PLEKHG7: variants seen among roughly 807,000 people sequenced by gnomAD.
The protein encoded by PLEKHG7 is pleckstrin homology domain-containing family G member 7.
A neutral mutation model predicts 85.2 loss-of-function variants in PLEKHG7; 77 were observed. The observed-to-expected ratio is 0.90, with a 90% CI of 0.75 to 1.09. The LOEUF (loss-of-function observed/expected upper bound fraction) is 1.09, where lower values mean the gene tolerates loss of function less well. Among genes scored for constraint, PLEKHG7 ranks in the 50% least tolerant of loss-of-function variants. The pLI is 0.00. For synonymous variants in PLEKHG7, 301 were observed against 302.4 expected, an observed-to-expected ratio of 1.00 and a Z score of 0.05; for missense variants, 777 against 804.3, an observed-to-expected ratio of 0.97 and a Z score of 0.41.
chr12:92,710,076 C>T (rs903377105), intron 3 of PLEKHG7, among the ~76,000 whole-genome samples: 1 of 152,074 alleles, frequency 6.6e-6, no homozygotes, highest in African/African-American at 2.4e-5. Context: ...GCCAGCAGAA[C>T]GTAATGTCAC....
chr12:92,751,547 T>G (rs1398415593), intron 10 of PLEKHG7, among the ~76,000 whole-genome samples: 1 of 145,218 alleles, frequency 6.9e-6, no homozygotes, highest in African/African-American at 2.5e-5. Flanking sequence ...TTTTTTTTTG[T>G]ATTTTTGGTA....
At chr12:92,753,076 A>C (rs968294448) in intron 10 of PLEKHG7, among the ~76,000 whole-genome samples, 1 of 152,196 alleles carries the variant, frequency 6.6e-6, no homozygotes, top group Non-Finnish European at 1.5e-5. Flanking sequence ...GTGCAAAAGT[A>C]ATTGCAGTTT....
rs375510513 is a variant in PLEKHG7 at position 92,764,134 on chromosome 12, G to A, written c.1810G>A (p.Asp604Asn). 29 of 1,611,526 alleles carry A rather than the reference G, an allele frequency of 1.8e-5. No individual in the cohort carries two copies. Among genetic ancestry groups the A allele is most frequent in the Admixed American group, 5.0e-5 (3 of 59,800 alleles). Residue 604 changes from aspartate (D) to asparagine (N), a missense_variant, in exon 15 of 17, where the codon GAT becomes AAT. This residue lies in a region of PLEKHG7 where 520 missense variants were observed against 544.0 expected (regional missense o/e 0.96). Coordinates refer to ENST00000344636, the MANE Select transcript of PLEKHG7 (RefSeq NM_001377329.1). ...IKEGGSCTVLDQPIPLDRLVV... is the reference protein window; with the variant it reads ...IKEGGSCTVLNQPIPLDRLVV... ...AGAGGGTGGTTCGTGTACAGTACTC[G>A]ATCAGCCTATTCCACTAGATAGATT...
At chr12:92,765,519 C>T (rs1193154134) in intron 15 of PLEKHG7, among the ~76,000 whole-genome samples, 2 of 151,702 alleles carry the variant, frequency 1.3e-5, no homozygotes, top group African/African-American at 2.4e-5. Flanking sequence ...ACCCCAGCTA[C>T]TCTGGAGGCT....
Position 92,754,111 on chromosome 12 carries a change from T to A in PLEKHG7, c.1273T>A (p.Cys425Ser). The change falls in exon 11 of 17, where the codon TGC becomes AGC. Residue 425 changes from cysteine (C) to serine (S), a missense_variant. By Grantham distance (112) the Cys-to-Ser change is moderately radical. This residue lies in a region of PLEKHG7 where 520 missense variants were observed against 544.0 expected (regional missense o/e 0.96). Coordinates refer to ENST00000344636, the MANE Select transcript of PLEKHG7 (RefSeq NM_001377329.1). ...CCAGTGGTGTGAGCAGAATGAACAA[T>A]GCAGACGGCTCCACGTGCCAGAGCT... is the stretch of plus-strand genomic sequence containing the variant. ...YLKWCEQNEQCRRLHVPELLV... is the reference protein window; with the variant it reads ...YLKWCEQNEQSRRLHVPELLV... The A allele has an allele frequency of 1.2e-6, 2 of 1,613,864 alleles. No individual in the cohort carries two copies. The highest frequency in any genetic ancestry group is 1.7e-6 in the Non-Finnish European group (2 of 1,179,846).
chr12:92,755,002 T>C (rs969085473), intron 11 of PLEKHG7, among the ~76,000 whole-genome samples: 2 of 152,250 alleles, frequency 1.3e-5, no homozygotes, highest in African/African-American at 4.8e-5. Flanking sequence ...TTTAAATTTT[T>C]TATTCAAATT....
intron 3 of PLEKHG7, among the ~76,000 whole-genome samples, chr12:92,719,930 G>A (rs1871589500): frequency 6.6e-6 from 1 of 152,216 alleles, no homozygotes; most frequent in African/African-American, 2.4e-5. Context: ...CAGGATGCAG[G>A]CAGCCTCACG....
At chr12:92,761,623 GAAGAAAGAAA>G (rs1873004909) in intron 13 of PLEKHG7, 119 bp from the exon 14 acceptor site, 3 of 716,896 alleles carry the variant, frequency 4.2e-6, no homozygotes. Context: ...AAGAAAGAAA[GAAGAAAGAAA>G]GAAAGAAAGA....
At chr12:92,762,305 C>T (rs994374646) in intron 14 of PLEKHG7, among the ~76,000 whole-genome samples, 4 of 152,132 alleles carry the variant, frequency 2.6e-5, no homozygotes, top group Non-Finnish European at 4.4e-5. Context: ...TGAAAGCTCA[C>T]ATTATTTCTG....
chr12:92,725,788 C>A (rs1156636747), intron 3 of PLEKHG7, among the ~76,000 whole-genome samples: 2 of 151,998 alleles, frequency 1.3e-5, no homozygotes, highest in Non-Finnish European at 2.9e-5. Context: ...AAAATTTTGG[C>A]AAAGGCTAAA....
intron 3 of PLEKHG7, among the ~76,000 whole-genome samples, chr12:92,727,596 T>A (rs1389279184): frequency 6.7e-6 from 1 of 149,208 alleles, no homozygotes; most frequent in South Asian, 2.1e-4. Context: ...AATTTCATGC[T>A]TTTTTTTTTC....
chr12:92,717,871 C>T (rs1374591132), intron 3 of PLEKHG7, among the ~76,000 whole-genome samples: 3 of 152,170 alleles, frequency 2.0e-5, no homozygotes, highest in Admixed American at 6.5e-5. Context: ...CTGTAGTGTT[C>T]CTCTCACAGG....
chr12:92,769,124 C>A, intron 16 of PLEKHG7, 44 bp downstream of exon 16: 2 of 1,372,414 alleles, frequency 1.5e-6, no homozygotes, highest in Non-Finnish European at 2.0e-6. Context: ...TCAGAGTTTA[C>A]ATAAGCTCCC....
chr12:92,721,701 C>G (rs1203378358), intron 3 of PLEKHG7, among the ~76,000 whole-genome samples: 1 of 9,432 alleles, frequency 1.1e-4, no homozygotes, highest in Non-Finnish European at 1.9e-4. Flanking sequence ...AAGCATAAAA[C>G]CAAAAAAAAA....
intron 6 of PLEKHG7, among the ~76,000 whole-genome samples, chr12:92,736,991 G>A (rs1309064561): frequency 6.6e-6 from 1 of 152,074 alleles, no homozygotes; most frequent in Non-Finnish European, 1.5e-5. Flanking sequence ...TTTTGCCAAC[G>A]GAACCTGGAA....
chr12:92,762,023 T>C (rs960253025), intron 14 of PLEKHG7, among the ~76,000 whole-genome samples, 192 bp downstream of exon 14: 1 of 151,664 alleles, frequency 6.6e-6, no homozygotes, highest in Non-Finnish European at 1.5e-5. Context: ...AATAAATAAA[T>C]AAATGAAACC....
intron 3 of PLEKHG7, among the ~76,000 whole-genome samples, chr12:92,718,377 G>A (rs10859368): frequency 0.46 from 69,959 of 152,030 alleles, 17,323 homozygotes; most frequent in East Asian, 0.89. Flanking sequence ...TTTTAATTGC[G>A]TCAAAAACTG....
At chr12:92,765,544 G>A (rs1354756775) in intron 15 of PLEKHG7, among the ~76,000 whole-genome samples, 4 of 151,338 alleles carry the variant, frequency 2.6e-5, no homozygotes, top group Non-Finnish European at 4.4e-5. Flanking sequence ...CAAGAGAATC[G>A]CTTGAACCCG....
intron 10 of PLEKHG7, among the ~76,000 whole-genome samples, chr12:92,747,395 GATAAA>G (rs1012325697): frequency 6.6e-6 from 1 of 151,632 alleles, no homozygotes; most frequent in African/African-American, 2.4e-5. Context: ...TATTTAAAAA[GATAAA>G]ATAAAATAAG....
Sources: allele counts gnomAD v4.1 joint callset (sites outside exome capture counted in the v4.1 genomes callset), GRCh38; gene constraint gnomAD v4.1.1; regional missense constraint gnomAD v4.1.1; transcripts MANE v1.5; gene names NCBI Gene and HGNC (gene_info 2026-07-23, HGNC 2026-07-21).